Variants in PTOV1 observed in about 807,000 individuals in gnomAD.
The protein encoded by PTOV1 is prostate tumor-overexpressed gene 1 protein.
PTOV1 carries 20 observed loss-of-function variants against 58.0 expected under a neutral mutation model. The observed-to-expected ratio is 0.34, with a 90% confidence interval of 0.24 to 0.50. The LOEUF (loss-of-function observed/expected upper bound fraction) is 0.50, where lower values mean the gene tolerates loss of function less well. Ranked by LOEUF, PTOV1 falls within the 20% of genes least tolerant of loss-of-function variation. The pLI is 0.98. For synonymous variants in PTOV1, 335 were observed against 234.2 expected, an observed-to-expected ratio of 1.43 and a Z score of -3.93; for missense variants, 593 against 565.4, an observed-to-expected ratio of 1.05 and a Z score of -0.50.
intron 1 of PTOV1, among the ~76,000 whole-genome samples, chr19:49,853,706 G>A (rs1383417199): frequency 6.6e-6 from 1 of 152,150 alleles, no homozygotes; most frequent in Admixed American, 6.5e-5. Context: ...CTTTCTCTTG[G>A]TGTTCTACAT....
At chr19:49,855,647 A>C (rs1275829687) in intron 5 of PTOV1, 1 of 157,510 alleles carries the variant, frequency 6.3e-6, no homozygotes, top group East Asian at 1.9e-4. Flanking sequence ...CATGACCTGG[A>C]CCCGGGGGGC....
upstream of PTOV1, chr19:49,850,987 A>T (rs1203101228): frequency 2.6e-6 from 4 of 1,534,566 alleles, no homozygotes; most frequent in South Asian, 4.8e-5. Context: ...ACGCCCCCTG[A>T]AGTTGTGGCT....
At chr19:49,852,613 T>C (rs991630839) in intron 1 of PTOV1, 6 of 152,246 alleles carry the variant, frequency 3.9e-5, no homozygotes, top group Admixed American at 2.0e-4. Flanking sequence ...GCTCCTGCTG[T>C]GGAAGGTATC....
At chr19:49,856,415 A>G (rs1216495725) in intron 5 of PTOV1, 1 of 155,812 alleles carries the variant, frequency 6.4e-6, no homozygotes, top group African/African-American at 2.4e-5. Flanking sequence ...GGGTTTTGGG[A>G]CGGTCACACC....
exon 5 of PTOV1, chr19:49,855,019 TCAC>T (rs1311373866): frequency 1.4e-5 from 22 of 1,601,928 alleles, no homozygotes; most frequent in Middle Eastern, 1.6e-4. Flanking sequence ...CAGTTCCACT[TCAC>T]CAACAGAGAC....
intron 1 of PTOV1, chr19:49,852,642 A>G (rs774563982): frequency 6.6e-6 from 1 of 152,164 alleles, no homozygotes; most frequent in Non-Finnish European, 1.5e-5. Flanking sequence ...TTAGGCAAGC[A>G]TATGTGTTCT....
At chr19:49,857,557 T>C in intron 6 of PTOV1, 136 bp from the exon 7 acceptor site, 1 of 801,722 alleles carries the variant, frequency 1.2e-6, no homozygotes, top group Admixed American at 2.2e-5. Flanking sequence ...CAGGGCCTGT[T>C]CCCCTGGGAC....
chr19:49,860,176 AACG>A, exon 11 of PTOV1: 1 of 1,614,026 alleles, frequency 6.2e-7, no homozygotes, highest in Non-Finnish European at 8.5e-7. Context: ...GAGCAACAGC[AACG>A]AGGGGTGAGG....
upstream of PTOV1, chr19:49,851,073 G>A (rs1217427191): frequency 2.0e-6 from 3 of 1,466,494 alleles, no homozygotes; most frequent in Admixed American, 2.3e-5. Flanking sequence ...TCCCGCCCGG[G>A]CCCCGCTCCC....
intron 10 of PTOV1, 151 bp downstream of exon 10, chr19:49,858,804 G>T (rs1600396756): frequency 4.5e-6 from 3 of 661,310 alleles, no homozygotes. Context: ...ACTTCTGGGG[G>T]CTCTGTGCTG....
intron 5 of PTOV1, chr19:49,855,318 C>G: frequency 1.8e-6 from 1 of 544,964 alleles, no homozygotes; most frequent in Non-Finnish European, 3.3e-6. Context: ...CGAGGTGGCC[C>G]TGGGGGCGTG....
At chr19:49,856,838 TG>T in intron 5 of PTOV1, 136 bp from the exon 6 acceptor site, 1 of 1,043,084 alleles carries the variant, frequency 9.6e-7, no homozygotes, top group Non-Finnish European at 1.4e-6. Context: ...CCCTCACCTA[TG>T]GCCATGGCCT....
exon 12 of PTOV1, chr19:49,860,300 C>A (rs1395182818): frequency 6.2e-7 from 1 of 1,612,442 alleles, no homozygotes; most frequent in Non-Finnish European, 8.5e-7. Flanking sequence ...GGGCTGGGCC[C>A]CTCCAGGAGT....
At chr19:49,860,147 G>A (rs1306523777) in exon 11 of PTOV1, 2 of 1,614,104 alleles carry the variant, frequency 1.2e-6, no homozygotes, top group African/African-American at 2.7e-5. Flanking sequence ...AGCAGGTCCT[G>A]CAGCGGAACC....
chr19:49,857,416 G>C (rs558203051), intron 6 of PTOV1: 2 of 606,596 alleles, frequency 3.3e-6, no homozygotes, highest in South Asian at 2.0e-5. Context: ...GGAAGGCCCT[G>C]CCTGGTAACC....
At chr19:49,854,733 C>T (rs746017107) in exon 3 of PTOV1, 1 of 1,613,504 alleles carries the variant, frequency 6.2e-7, no homozygotes, top group Non-Finnish European at 8.5e-7. Flanking sequence ...AGGCGAGAAC[C>T]TGTGAGTGCC....
intron 5 of PTOV1, chr19:49,855,417 G>A (rs2074420677): frequency 8.8e-6 from 3 of 342,038 alleles, no homozygotes; most frequent in South Asian, 3.1e-5. Flanking sequence ...GTAAATGGGT[G>A]TGCTAGGCAC....
At chr19:49,857,599 C>T (rs2122238994) in intron 6 of PTOV1, 94 bp from the exon 7 acceptor site, 1 of 1,221,936 alleles carries the variant, frequency 8.2e-7, no homozygotes, top group Non-Finnish European at 1.2e-6. Context: ...GCTAACAGGC[C>T]AAGGCTCGGA....
At chr19:49,857,165 A>T (rs1228897334) in intron 6 of PTOV1, 35 bp downstream of exon 6, 8 of 1,609,712 alleles carry the variant, frequency 5.0e-6, no homozygotes, top group Non-Finnish European at 6.8e-6. Context: ...CTGGGGACAG[A>T]GGGGGATTAG....
Sources: gnomAD v4.1 joint callset for allele counts (sites outside exome capture counted in the v4.1 genomes callset) on GRCh38, gnomAD v4.1.1 for gene constraint, MANE v1.5 for transcripts, NCBI Gene and HGNC (gene_info 2026-07-23, HGNC 2026-07-21) for gene names.